The following RAET1G variants were observed in gnomAD, a reference collection of about 807,000 sequenced individuals.
The protein encoded by RAET1G is UL-16 binding protein 5.
In RAET1G, 25 loss-of-function variants were observed where a neutral mutation model predicts 29.5. That is an observed-to-expected ratio of 0.85 (90% CI 0.62 to 1.18). The LOEUF is 1.18. RAET1G is among the 50% of genes most tolerant of loss of function. The pLI is 0.00. For synonymous variants in RAET1G, 167 were observed against 159.5 expected (o/e 1.05, Z -0.36); for missense variants, 434 against 423.6 (o/e 1.02, Z -0.22).
In RAET1G at chr6:149,918,182, C is replaced by G; in HGVS notation, c.834G>C (p.Trp278Cys). ...HPTWLLRRVLWSDSYQIAKRP... is the reference protein window; with the variant it reads ...HPTWLLRRVLCSDSYQIAKRP... ...CAATTCTGCCCCCATACCTGTCACT[C>G]CAAAGGACTCTCCTCAGCAGCCAGG... The change falls in exon 4 of 5, where the codon TGG becomes TGC. Residue 278 changes from tryptophan to cysteine, a missense_variant. Coordinates refer to ENST00000367360, the MANE Select transcript of RAET1G (RefSeq NM_001001788.4). The G allele has an allele frequency of 6.2e-7, 1 of 1,614,092 alleles. No individual in the cohort carries two copies. The highest frequency in any genetic ancestry group is 8.5e-7 in the Non-Finnish European group (1 of 1,179,986).
At chr6:149,922,729 C>T (rs1778622521) in intron 1 of RAET1G, among the ~76,000 whole-genome samples, 197 bp downstream of exon 1, 1 of 152,194 alleles carries the variant, frequency 6.6e-6, no homozygotes, top group Admixed American at 6.5e-5. Flanking sequence ...TCCTCTCTGA[C>T]CAGCTCCTCC....
intron 4 of RAET1G, 64 bp from the exon 5 acceptor site, chr6:149,917,138 A>G (rs1233140015): frequency 4.8e-6 from 7 of 1,460,894 alleles, no homozygotes; most frequent in East Asian, 2.6e-5. Context: ...TCGGACTTCA[A>G]TACTTTCACT....
chr6:149,918,956 A>T (rs2114648694), intron 3 of RAET1G, 87 bp downstream of exon 3: 1 of 1,581,526 alleles, frequency 6.3e-7, no homozygotes, highest in African/African-American at 1.4e-5. Flanking sequence ...GTACACTGGG[A>T]TGATTGAAGC....
intron 3 of RAET1G, chr6:149,918,620 T>C (rs2114647258): frequency 1.6e-6 from 1 of 624,450 alleles, no homozygotes; most frequent in Middle Eastern, 4.3e-4. Context: ...ACCCTCCTGC[T>C]GTGGCGGAAG....
At chr6:149,922,284 G>A (rs568771311) in intron 1 of RAET1G, among the ~76,000 whole-genome samples, 1 of 152,152 alleles carries the variant, frequency 6.6e-6, no homozygotes, top group Non-Finnish European at 1.5e-5. Flanking sequence ...GGTCGCGAGG[G>A]CCCCTTCATG....
intron 1 of RAET1G, among the ~76,000 whole-genome samples, chr6:149,920,300 C>T (rs1778569450): frequency 1.3e-5 from 2 of 152,190 alleles, no homozygotes; most frequent in Middle Eastern, 3.4e-3. Context: ...TTGGCAAAGC[C>T]CCTGGTGGTG....
Position 149,919,626 on chromosome 6 carries a change from T to G in RAET1G, c.276A>C (p.Pro92=). The change falls in exon 2 of 5, where the codon CCA becomes CCC. Residue 92 remains proline (P), a synonymous_variant. Coordinates refer to ENST00000367360, the MANE Select transcript of RAET1G (RefSeq NM_001001788.4). ...GTATGTCCACCACCTCTCTCAGTACTGGGTTCTGTGCTTTCCAGGCCGTTG... is the reference window on the plus strand; with the variant it reads ...GTATGTCCACCACCTCTCTCAGTACGGGGTTCTGTGCTTTCCAGGCCGTTG... ...NVTTAWKAQN[P]VLREVVDILT... is the part of the protein sequence containing the mutation. 6.2e-7 allele frequency: 1 copy of G among 1,614,032 alleles called. No homozygotes were observed. The highest frequency in any genetic ancestry group is 8.5e-7 in the Non-Finnish European group (1 of 1,179,878).
At chr6:149,920,979 A>T (rs1183846070) in intron 1 of RAET1G, among the ~76,000 whole-genome samples, 1 of 152,262 alleles carries the variant, frequency 6.6e-6, no homozygotes, top group East Asian at 1.9e-4. Flanking sequence ...CCGTGAACCC[A>T]TGACTAGAAG....
At chr6:149,919,426 G>A in intron 2 of RAET1G, 102 bp from the exon 3 acceptor site, 1 of 1,603,932 alleles carries the variant, frequency 6.2e-7, no homozygotes, top group Non-Finnish European at 8.5e-7. Flanking sequence ...GCCACATCCT[G>A]GCCTTGCCTC....
chr6:149,920,233 G>C (rs984612374), intron 1 of RAET1G, among the ~76,000 whole-genome samples: 1 of 152,170 alleles, frequency 6.6e-6, no homozygotes, highest in Non-Finnish European at 1.5e-5. Context: ...ACGGAGTGAG[G>C]ATGGAACCCA....
chr6:149,919,502 T>C, intron 2 of RAET1G, 51 bp downstream of exon 2: 1 of 1,613,992 alleles, frequency 6.2e-7, no homozygotes, highest in Non-Finnish European at 8.5e-7. Context: ...TAAATGCCTC[T>C]AACCTACCAC....
intron 1 of RAET1G, 97 bp from the exon 2 acceptor site, chr6:149,919,913 T>C: frequency 2.5e-6 from 4 of 1,607,360 alleles, no homozygotes; most frequent in Non-Finnish European, 3.4e-6. Flanking sequence ...TCTGGAGGGC[T>C]GGGCTGGCCC....
chr6:149,922,950 T>G lies in RAET1G; in HGVS notation c.61A>C (p.Ser21Arg), dbSNP rs751476027. The change falls in exon 1 of 5, where the codon AGC becomes CGC. Residue 21 changes from serine to arginine, a missense_variant. Coordinates refer to ENST00000367360, the MANE Select transcript of RAET1G (RefSeq NM_001001788.4). ...CCGGCCAGCCCGGTCCTGCACCAGC[T>G]GGACAGCAGGAGCAGAAGCGGGAGG... ...LRLPLLLLLS[S>R]WCRTGLADPH... The G allele has an allele frequency of 1.6e-5, 25 of 1,602,938 alleles. No individual in the cohort carries two copies. In the Admixed American group the frequency reaches 4.3e-4, roughly 28 times the overall value.
At chr6:149,920,833 C>A (rs1778584278) in intron 1 of RAET1G, among the ~76,000 whole-genome samples, 1 of 152,210 alleles carries the variant, frequency 6.6e-6, no homozygotes, top group Non-Finnish European at 1.5e-5. Context: ...GAAACCCAAC[C>A]TGAATAGTGC....
intron 1 of RAET1G, among the ~76,000 whole-genome samples, 158 bp downstream of exon 1, chr6:149,922,768 G>A (rs938928970): frequency 1.3e-5 from 2 of 152,034 alleles, no homozygotes; most frequent in African/African-American, 4.8e-5. Context: ...CTCTGGGAAC[G>A]GACCCGGCGG....
chr6:149,921,724 G>A (rs902528210), intron 1 of RAET1G, among the ~76,000 whole-genome samples: 1 of 151,952 alleles, frequency 6.6e-6, no homozygotes, highest in African/African-American at 2.4e-5. Flanking sequence ...TGAACCATGG[G>A]ACCCCCACTC....
At chr6:149,921,427 G>A (rs531877809) in intron 1 of RAET1G, among the ~76,000 whole-genome samples, 4 of 151,922 alleles carry the variant, frequency 2.6e-5, no homozygotes, top group African/African-American at 4.8e-5. Context: ...TGGAAGGGCC[G>A]TGACCATCCA....
chr6:149,917,536 T>A (rs1011830763), intron 4 of RAET1G, among the ~76,000 whole-genome samples: 4 of 152,234 alleles, frequency 2.6e-5, no homozygotes, highest in African/African-American at 9.6e-5. Flanking sequence ...TGGGTTATAA[T>A]TGTGGAACAG....
chr6:149,922,404 C>A (rs1003720005), intron 1 of RAET1G, among the ~76,000 whole-genome samples: 1 of 152,018 alleles, frequency 6.6e-6, no homozygotes, highest in Non-Finnish European at 1.5e-5. Context: ...TCTGCTGAGC[C>A]GCTGGGTGCA....
Sources: allele counts gnomAD v4.1 joint callset (sites outside exome capture counted in the v4.1 genomes callset), GRCh38; gene constraint gnomAD v4.1.1; transcripts MANE v1.5; gene names NCBI Gene and HGNC (gene_info 2026-07-23, HGNC 2026-07-21).